The following GRID2 variants were observed in gnomAD, a reference collection of about 807,000 sequenced individuals.
The protein encoded by GRID2 is glutamate receptor ionotropic, delta-2.
GRID2 carries 33 observed loss-of-function variants against 114.8 expected under a neutral mutation model. The ratio of observed to expected loss-of-function variants is 0.29; its 90% CI spans 0.22 to 0.38. The LOEUF is 0.38. GRID2 is among the 10% of genes least tolerant of loss of function. The pLI is 1.00. For synonymous variants in GRID2, 505 were observed against 449.9 expected (o/e 1.12, Z -1.55); for missense variants, 1,184 against 1,257.7 (o/e 0.94, Z 0.89).
At chr4:92,526,032 A>T (rs1000625951) in intron 1 of GRID2, among the ~76,000 whole-genome samples, 1 of 152,076 alleles carries the variant, frequency 6.6e-6, no homozygotes, top group African/African-American at 2.4e-5. Context: ...TAGGAAGCTG[A>T]TCAAGTTAAG....
At chr4:93,111,992 T>TA (rs1195740276) in intron 4 of GRID2, 1 of 152,176 alleles carries the variant, frequency 6.6e-6, no homozygotes, top group East Asian at 1.9e-4. Context: ...AGACAAATTA[T>TA]ACACATTTTA....
At chr4:93,094,812 T>C (rs1731064793) in intron 3 of GRID2, among the ~76,000 whole-genome samples, 1 of 151,978 alleles carries the variant, frequency 6.6e-6, no homozygotes, top group Non-Finnish European at 1.5e-5. Context: ...AAATGACTGA[T>C]AATTAGCCAA....
chr4:93,355,836 A>G (rs1239995791), intron 8 of GRID2, among the ~76,000 whole-genome samples: 2 of 152,086 alleles, frequency 1.3e-5, no homozygotes, highest in Non-Finnish European at 2.9e-5. Context: ...AAATTGGTCC[A>G]ATACCTACAT....
At chr4:93,298,624 T>C (rs946801861) in intron 8 of GRID2, among the ~76,000 whole-genome samples, 1 of 152,192 alleles carries the variant, frequency 6.6e-6, no homozygotes, top group Admixed American at 6.5e-5. Flanking sequence ...AGATATTCTC[T>C]CTAAATAAGC....
At chr4:93,702,246 A>C (rs906988651) in intron 14 of GRID2, among the ~76,000 whole-genome samples, 5 of 152,200 alleles carry the variant, frequency 3.3e-5, no homozygotes, top group African/African-American at 1.2e-4. Flanking sequence ...CTAGATTTCA[A>C]TGCATTCTGC....
At chr4:92,392,704 A>G (rs1443233697) in intron 1 of GRID2, among the ~76,000 whole-genome samples, 1 of 152,110 alleles carries the variant, frequency 6.6e-6, no homozygotes, top group Non-Finnish European at 1.5e-5. Flanking sequence ...ACTCAAAATT[A>G]CTATTTAAAC....
intron 1 of GRID2, among the ~76,000 whole-genome samples, chr4:93,784,051 G>C (rs112811427): frequency 3.8e-5 from 4 of 105,596 alleles, no homozygotes; most frequent in Admixed American, 1.6e-4. Context: ...CAGCCTGGGC[G>C]ACAGAGCGAG....
intron 2 of GRID2, among the ~76,000 whole-genome samples, chr4:93,034,901 C>A (rs190945965): frequency 2.3e-3 from 345 of 152,236 alleles, no homozygotes; most frequent in Admixed American, 4.0e-3. Flanking sequence ...CGTGCGTGTT[C>A]AGCATATTCT....
intron 2 of GRID2, among the ~76,000 whole-genome samples, chr4:92,792,054 A>G (rs187138513): frequency 3.0e-4 from 46 of 151,976 alleles, no homozygotes; most frequent in African/African-American, 1.0e-3. Flanking sequence ...AGCCGTGGCC[A>G]TGACATGGAA....
At chr4:92,731,952 T>A (rs1736349104) in intron 2 of GRID2, among the ~76,000 whole-genome samples, 1 of 151,998 alleles carries the variant, frequency 6.6e-6, no homozygotes, top group Admixed American at 6.6e-5. Flanking sequence ...TACCTATAAT[T>A]TTTTTAAATG....
At chr4:93,737,470 G>A (rs1307428358) in intron 14 of GRID2, among the ~76,000 whole-genome samples, 1 of 152,060 alleles carries the variant, frequency 6.6e-6, no homozygotes, top group African/African-American at 2.4e-5. Context: ...CACACCTGTA[G>A]TTCCAGCATT....
intron 2 of GRID2, among the ~76,000 whole-genome samples, chr4:93,075,883 C>CTGT (rs1490779668): frequency 1.2e-4 from 9 of 76,606 alleles, no homozygotes; most frequent in African/African-American, 4.3e-4. Context: ...AGTTACCTCT[C>CTGT]TTTTTTTTTT....
At chr4:92,531,734 C>A (rs1220094745) in intron 1 of GRID2, among the ~76,000 whole-genome samples, 1 of 152,016 alleles carries the variant, frequency 6.6e-6, no homozygotes, top group East Asian at 1.9e-4. Flanking sequence ...GAGGGTTTTT[C>A]CTGTTATTAA....
At chr4:93,067,667 A>G (rs908416870) in intron 2 of GRID2, among the ~76,000 whole-genome samples, 1 of 152,038 alleles carries the variant, frequency 6.6e-6, no homozygotes, top group Admixed American at 6.6e-5. Context: ...AAGATCAAGA[A>G]AAAGAGATTT....
At chr4:93,783,777 A>G (rs1165338518) in intron 1 of GRID2, among the ~76,000 whole-genome samples, 1 of 152,104 alleles carries the variant, frequency 6.6e-6, no homozygotes, top group Non-Finnish European at 1.5e-5. Flanking sequence ...AAAACCTTAG[A>G]AAAACCAACC....
At chr4:92,653,183 A>G (rs1732055265) in intron 2 of GRID2, among the ~76,000 whole-genome samples, 1 of 150,120 alleles carries the variant, frequency 6.7e-6, no homozygotes, top group South Asian at 2.1e-4. Flanking sequence ...TATTTTTAGT[A>G]GAGATGGGGT....
intron 4 of GRID2, among the ~76,000 whole-genome samples, chr4:93,141,436 A>G (rs1024872278): frequency 4.6e-5 from 7 of 152,228 alleles, no homozygotes; most frequent in African/African-American, 1.7e-4. Flanking sequence ...AAAGTGAGGA[A>G]GTAAGACCCA....
chr4:93,055,533 C>G (rs1488110089), intron 2 of GRID2, among the ~76,000 whole-genome samples: 1 of 151,810 alleles, frequency 6.6e-6, no homozygotes, highest in African/African-American at 2.4e-5. Context: ...ACAACAACAA[C>G]AACAACAAAA....
intron 2 of GRID2, among the ~76,000 whole-genome samples, chr4:92,999,775 T>C (rs762872887): frequency 1.2e-4 from 18 of 151,754 alleles, no homozygotes; most frequent in Non-Finnish European, 1.9e-4. Flanking sequence ...TTGCTGGGAT[T>C]AAGAGCATAA....
Sources: allele counts gnomAD v4.1 joint callset (sites outside exome capture counted in the v4.1 genomes callset), GRCh38; gene constraint gnomAD v4.1.1; transcripts MANE v1.5; gene names NCBI Gene and HGNC (gene_info 2026-07-23, HGNC 2026-07-21).